The following CYP4F2 variants were observed in gnomAD, a reference collection of about 807,000 sequenced individuals.
CYP4F2 encodes cytochrome P450 4F2.
CYP4F2 carries 58 observed loss-of-function variants against 58.9 expected under a neutral mutation model. The observed-to-expected ratio is 0.98, with a 90% CI of 0.80 to 1.23. The LOEUF (loss-of-function observed/expected upper bound fraction) is 1.23. Ranked by LOEUF, CYP4F2 falls within the 50% of genes most tolerant of loss-of-function variation. The probability of loss-of-function intolerance (pLI) is 0.00; values close to 1 mark genes in which losing one functional copy is unlikely to be tolerated. For missense variants in CYP4F2, 616 were observed against 685.6 expected, an observed-to-expected ratio of 0.90 and a Z score of 1.13; for synonymous variants, 287 against 261.1, an observed-to-expected ratio of 1.10 and a Z score of -0.95.
chr19:15,889,386 C>T (rs1555774761), intron 7 of CYP4F2, 37 bp downstream of exon 7: 2 of 1,612,822 alleles, frequency 1.2e-6, no homozygotes, highest in Non-Finnish European at 1.7e-6. Flanking sequence ...ATGAAGCTCC[C>T]TTCTACTTCT....
At chr19:15,886,085 G>A (rs1480231813) in intron 8 of CYP4F2, 32 bp from the exon 9 acceptor site, 1 of 1,609,912 alleles carries the variant, frequency 6.2e-7, no homozygotes, top group Non-Finnish European at 8.5e-7. Flanking sequence ...TTGGGTCTCT[G>A]GGCTGCTTCA....
intron 9 of CYP4F2, among the ~76,000 whole-genome samples, chr19:15,882,404 A>ACAGCATGGTG (rs2089351497): frequency 6.6e-6 from 1 of 152,224 alleles, no homozygotes; most frequent in African/African-American, 2.4e-5. Flanking sequence ...GATCTACTGC[A>ACAGCATGGTG]CAGCATGGTG....
At chr19:15,890,139 C>T (rs1263086480) in intron 6 of CYP4F2, among the ~76,000 whole-genome samples, 173 bp downstream of exon 6, 2 of 152,160 alleles carry the variant, frequency 1.3e-5, no homozygotes, top group East Asian at 3.8e-4. Flanking sequence ...GTTCAAACCC[C>T]TTCAATGGCT....
intron 7 of CYP4F2, among the ~76,000 whole-genome samples, chr19:15,888,864 AACACAGAAAAAAGACAAAGGCATAG>A (rs2089398763): frequency 6.6e-6 from 1 of 152,262 alleles, no homozygotes; most frequent in African/African-American, 2.4e-5. Context: ...CAAAGACACA[AACACAGAAAAAAGACAAAGGCATAG>A]ACGCAGACAC....
intron 7 of CYP4F2, chr19:15,886,639 G>C (rs999134010): frequency 8.5e-6 from 3 of 352,942 alleles, no homozygotes; most frequent in Non-Finnish European, 5.1e-6. Flanking sequence ...GGAAATTAGA[G>C]ATTAAGTATT....
Position 15,889,408 on chromosome 19 carries a change from C to T in CYP4F2, c.918+15G>A, listed in dbSNP as rs753571505. ...TCCCTTCTACTTCTTGAATTCAGATCCCAGAGAGGCCCACCTTGCTCAGCA... is the reference window on the plus strand; with the variant it reads ...TCCCTTCTACTTCTTGAATTCAGATTCCAGAGAGGCCCACCTTGCTCAGCA... On this transcript the variant is annotated intron_variant, in intron 7 of 12. Coordinates refer to ENST00000221700, the MANE Select transcript of CYP4F2 (RefSeq NM_001082.5). The T allele has an allele frequency of 1.9e-6, 3 of 1,613,302 alleles. No homozygotes were observed. In the South Asian group the frequency reaches 3.3e-5, roughly 18 times the overall value.
rs1191602342 is a variant in CYP4F2 at position 15,879,781 on chromosome 19, C to A, written c.1232G>T (p.Gly411Val). The change falls in exon 10 of 13, where the codon GGC becomes GTC. Residue 411 changes from glycine (G) to valine (V), a missense_variant. By Grantham distance (109) the Gly-to-Val change is moderately radical. Transcript: ENST00000221700. ...HVTQDIVLPDGRVIPKGIICL... is the reference protein window; with the variant it reads ...HVTQDIVLPDVRVIPKGIICL... ...GTGAGCACCTTTGGGGATGACCCGG[C>A]CGTCTGGGAGCACAATGTCCTGGGT... 6.2e-7 allele frequency: 1 copy of A among 1,614,120 alleles called. No homozygotes were observed. Among genetic ancestry groups the A allele is most frequent in the South Asian group, 1.1e-5 (1 of 91,076 alleles).
intron 2 of CYP4F2, among the ~76,000 whole-genome samples, chr19:15,895,959 C>T (rs1255505649): frequency 6.6e-6 from 1 of 152,022 alleles, no homozygotes; most frequent in Non-Finnish European, 1.5e-5. Flanking sequence ...ATAATCTATC[C>T]ATCCTATCTA....
chr19:15,879,299 C>T (rs1487064585), intron 12 of CYP4F2, 47 bp downstream of exon 12: 1 of 1,605,160 alleles, frequency 6.2e-7, no homozygotes, highest in African/African-American at 1.3e-5. Flanking sequence ...TGCCCAGACC[C>T]CTGCACCCAT....
At chr19:15,897,679 A>G in intron 1 of CYP4F2, 67 bp from the exon 2 acceptor site, 1 of 1,581,004 alleles carries the variant, frequency 6.3e-7, no homozygotes, top group Non-Finnish European at 8.6e-7. Flanking sequence ...ACCTCCAGGG[A>G]CAGTGGAGAG....
chr19:15,886,087 G>A, intron 8 of CYP4F2, 34 bp from the exon 9 acceptor site: 1 of 1,609,682 alleles, frequency 6.2e-7, no homozygotes, highest in East Asian at 2.2e-5. Flanking sequence ...GGGTCTCTGG[G>A]CTGCTTCAGC....
intron 3 of CYP4F2, among the ~76,000 whole-genome samples, chr19:15,894,641 C>G (rs1310849436): frequency 6.6e-6 from 1 of 152,152 alleles, no homozygotes; most frequent in East Asian, 1.9e-4. Context: ...GGGTTTCCAC[C>G]ACTCACAACT....
At chr19:15,890,494 C>T in intron 5 of CYP4F2, 61 bp from the exon 6 acceptor site, 1 of 1,596,912 alleles carries the variant, frequency 6.3e-7, no homozygotes, top group Non-Finnish European at 8.5e-7. Flanking sequence ...ACCTCTCCAA[C>T]CCCAACTGCC....
At chr19:15,884,122 G>A (rs1202225140) in intron 9 of CYP4F2, among the ~76,000 whole-genome samples, 1 of 151,704 alleles carries the variant, frequency 6.6e-6, no homozygotes, top group Admixed American at 6.6e-5. Context: ...GAGGAAGGAA[G>A]GAAGGAAGAA....
intron 9 of CYP4F2, among the ~76,000 whole-genome samples, chr19:15,882,081 A>G (rs1288984468): frequency 6.6e-6 from 1 of 152,104 alleles, no homozygotes; most frequent in African/African-American, 2.4e-5. Flanking sequence ...CGTCTCTAAT[A>G]AAAATACAAA....
In CYP4F2 at chr19:15,883,919, C is replaced by T. The variant is rs919760456; in HGVS notation, c.1115+2005G>A. Reference sequence around the variant, plus strand: ...ATTAAAAATACAAAAATTAGCCAGGCATGGTGGTGTGCACCCATAGTCCCA... The same window carrying T: ...ATTAAAAATACAAAAATTAGCCAGGTATGGTGGTGTGCACCCATAGTCCCA... On this transcript the variant is annotated intron_variant, in intron 9 of 12. Transcript: ENST00000221700. 6.6e-5 allele frequency among the ~76,000 whole-genome samples: 10 copies of T among 152,178 alleles called. No homozygotes were observed. In the Middle Eastern group the frequency reaches 0.014, roughly 208 times the overall value.
At chr19:15,881,565 GGATAGATAGATAGATAGATAGATA>G (rs59240008) in intron 9 of CYP4F2, among the ~76,000 whole-genome samples, 13 of 149,982 alleles carry the variant, frequency 8.7e-5, no homozygotes, top group East Asian at 6.0e-4. Flanking sequence ...GATAGATGAT[GGATAGATAGATAGATAGATAGATA>G]GATAGATAGA....
chr19:15,881,928 C>A (rs2089348331), intron 9 of CYP4F2, among the ~76,000 whole-genome samples: 1 of 152,030 alleles, frequency 6.6e-6, no homozygotes, highest in Non-Finnish European at 1.5e-5. Flanking sequence ...TATCTTGGGA[C>A]CTAAAATAGT....
chr19:15,881,811 A>G (rs1011949728), intron 9 of CYP4F2, among the ~76,000 whole-genome samples: 2 of 152,136 alleles, frequency 1.3e-5, no homozygotes, highest in Non-Finnish European at 2.9e-5. Flanking sequence ...TAAAAAAAAA[A>G]AAAGAAAGAA....
Sources: allele counts gnomAD v4.1 joint callset (sites outside exome capture counted in the v4.1 genomes callset), GRCh38; gene constraint gnomAD v4.1.1; transcripts MANE v1.5; gene names NCBI Gene and HGNC (gene_info 2026-07-23, HGNC 2026-07-21).